The following SHANK2 variants were observed in gnomAD, a reference collection of about 807,000 sequenced individuals.
SHANK2 encodes the protein SH3 and multiple ankyrin repeat domains protein 2.
SHANK2 carries 43 observed loss-of-function variants against 133.7 expected under a neutral mutation model. The ratio of observed to expected loss-of-function variants is 0.32; its 90% CI spans 0.25 to 0.41. SHANK2 has a LOEUF of 0.41. Among genes scored for constraint, SHANK2 ranks in the 10% least tolerant of loss-of-function variants. The probability of loss-of-function intolerance (pLI) is 1.00; values close to 1 mark genes in which losing one functional copy is unlikely to be tolerated. For synonymous variants in SHANK2, 1,017 were observed against 952.8 expected (o/e 1.07, Z -1.24); for missense variants, 1,994 against 2,235.8 (o/e 0.89, Z 2.18).
chr11:70,854,059 C>T (rs951150728), intron 11 of SHANK2, among the ~76,000 whole-genome samples: 1 of 152,124 alleles, frequency 6.6e-6, no homozygotes, highest in African/African-American at 2.4e-5. Context: ...CATTATTTGA[C>T]CCAGAAGAAA....
At chr11:70,604,480 C>T (rs1334013209) in intron 17 of SHANK2, 3 of 152,562 alleles carry the variant, frequency 2.0e-5, no homozygotes, top group African/African-American at 7.2e-5. Flanking sequence ...TGCTGGTGCT[C>T]TGGGCTGCAG....
At chr11:70,495,279 C>T (rs909717983) in intron 21 of SHANK2, among the ~76,000 whole-genome samples, 1 of 152,230 alleles carries the variant, frequency 6.6e-6, no homozygotes, top group African/African-American at 2.4e-5. Flanking sequence ...CTCCAAGGAG[C>T]CTTTCCCCTC....
At chr11:70,892,343 C>T (rs922708419) in intron 11 of SHANK2, among the ~76,000 whole-genome samples, 8 of 149,506 alleles carry the variant, frequency 5.4e-5, no homozygotes, top group African/African-American at 1.8e-4. Context: ...AGGAGATACC[C>T]CTCTAACTAT....
intron 10 of SHANK2, among the ~76,000 whole-genome samples, chr11:70,898,282 G>GCACGCA (rs1555076085): frequency 2.2e-5 from 3 of 135,422 alleles, no homozygotes; most frequent in Non-Finnish European, 3.1e-5. Context: ...ATACACACAC[G>GCACGCA]CACACACACA....
chr11:70,827,260 C>CTTT (rs34414800), intron 11 of SHANK2, among the ~76,000 whole-genome samples: 12 of 137,210 alleles, frequency 8.7e-5, no homozygotes, highest in African/African-American at 1.9e-4. Context: ...CCCCCTCCTA[C>CTTT]TTTTTTTTTT....
chr11:70,594,053 CTGCCG>C (rs1554988757), intron 17 of SHANK2, among the ~76,000 whole-genome samples: 3 of 152,176 alleles, frequency 2.0e-5, no homozygotes, highest in Admixed American at 1.3e-4. Flanking sequence ...TTCCTAGGCA[CTGCCG>C]TGTTGGAGCT....
chr11:70,788,457 G>A (rs922053180), intron 14 of SHANK2, among the ~76,000 whole-genome samples: 2 of 152,134 alleles, frequency 1.3e-5, no homozygotes, highest in South Asian at 2.1e-4. Context: ...CGTTCCGCCC[G>A]GGGGAAGTGA....
chr11:71,248,441 G>A (rs555340253), intron 1 of SHANK2, among the ~76,000 whole-genome samples: 4 of 152,356 alleles, frequency 2.6e-5, no homozygotes, highest in Non-Finnish European at 2.9e-5. Context: ...CGGGCGGTGT[G>A]GGGTCAAGGG....
intron 11 of SHANK2, among the ~76,000 whole-genome samples, chr11:70,881,249 C>T (rs1949654963): frequency 1.3e-5 from 2 of 152,064 alleles, no homozygotes; most frequent in Non-Finnish European, 2.9e-5. Flanking sequence ...GTCTCACCAT[C>T]TCACCCAGGC....
chr11:71,059,335 G>A (rs923080706), intron 9 of SHANK2, among the ~76,000 whole-genome samples: 3 of 152,326 alleles, frequency 2.0e-5, no homozygotes, highest in South Asian at 4.2e-4. Context: ...ATGTTCTAAG[G>A]TTGACGGTTG....
At chr11:70,600,537 G>C (rs2060480722) in intron 17 of SHANK2, among the ~76,000 whole-genome samples, 1 of 151,860 alleles carries the variant, frequency 6.6e-6, no homozygotes, top group African/African-American at 2.4e-5. Context: ...AGAGATAAAA[G>C]GTGGGTGGGT....
intron 21 of SHANK2, among the ~76,000 whole-genome samples, chr11:70,494,074 G>A (rs1164234614): frequency 6.6e-6 from 1 of 152,194 alleles, no homozygotes; most frequent in East Asian, 1.9e-4. Context: ...AGGCAGCCCA[G>A]ACCAGAGGTC....
At position 71,203,890 on chromosome 11, in the gene SHANK2, T is replaced by C. The variant is rs9783341; in HGVS notation, c.-13+20807A>G. Among the ~76,000 whole-genome samples, 730 of 152,296 alleles carry C rather than the reference T, an allele frequency of 4.8e-3. 9 individuals carry two copies. Among genetic ancestry groups the C allele is most frequent in the African/African-American group, 0.017 (699 of 41,570 alleles). On this transcript the variant is annotated intron_variant, in intron 2 of 25. Transcript: ENST00000601538. ...GCAGGGTGCAGGGGTCTGGACTCCT[T>C]GTGTGCTGTCACACATCTTTGGGGG...
intron 13 of SHANK2, among the ~76,000 whole-genome samples, chr11:70,805,243 CCT>C (rs1948134030): frequency 6.6e-6 from 1 of 152,180 alleles, no homozygotes; most frequent in African/African-American, 2.4e-5. Context: ...CCCTCCGACC[CCT>C]GAGCCCCAGG....
At chr11:71,096,688 G>A (rs1282113342) in intron 6 of SHANK2, among the ~76,000 whole-genome samples, 21 of 152,314 alleles carry the variant, frequency 1.4e-4, no homozygotes, top group African/African-American at 4.6e-4. Flanking sequence ...TGTGACACTC[G>A]TTCGGGGCAA....
chr11:70,781,580 A>ATATATATATATATATATT (rs34035945), intron 14 of SHANK2, among the ~76,000 whole-genome samples: 1 of 126,266 alleles, frequency 7.9e-6, no homozygotes, highest in African/African-American at 3.0e-5. Context: ...ATATATATAT[A>ATATATATATATATATATT]TATTTACTTA....
At chr11:70,919,002 A>C (rs549716160) in intron 10 of SHANK2, among the ~76,000 whole-genome samples, 1 of 152,106 alleles carries the variant, frequency 6.6e-6, no homozygotes, top group African/African-American at 2.4e-5. Flanking sequence ...CATTTCTACA[A>C]AAAAATTAAA....
chr11:70,817,415 A>T (rs1427487774), intron 12 of SHANK2, among the ~76,000 whole-genome samples: 1 of 152,230 alleles, frequency 6.6e-6, no homozygotes, highest in Admixed American at 6.5e-5. Flanking sequence ...CCAAGAAAGA[A>T]GGGACTGACG....
intron 17 of SHANK2, among the ~76,000 whole-genome samples, chr11:70,552,978 TC>T (rs2059788748): frequency 2.0e-5 from 3 of 152,036 alleles, no homozygotes; most frequent in Admixed American, 2.0e-4. Flanking sequence ...ATGGCCGCCT[TC>T]CCCCGTGTCC....
Sources: allele counts gnomAD v4.1 joint callset (sites outside exome capture counted in the v4.1 genomes callset), GRCh38; gene constraint gnomAD v4.1.1; transcripts MANE v1.5; gene names NCBI Gene and HGNC (gene_info 2026-07-23, HGNC 2026-07-21).